The following CCDC175 variants were observed in gnomAD, a reference collection of about 807,000 sequenced individuals.
The protein encoded by CCDC175 is coiled-coil domain containing 175, also known as coiled-coil domain-containing protein 175.
Under a neutral mutation model 114.6 loss-of-function variants are expected in CCDC175, and 100 were observed. That is an observed-to-expected ratio of 0.87 (90% CI 0.74 to 1.03). CCDC175 has a LOEUF of 1.03. Ranked by LOEUF, CCDC175 falls within the 50% of genes least tolerant of loss-of-function variation. The pLI, the probability that CCDC175 is intolerant of heterozygous loss-of-function variation, is 0.00. For synonymous variants in CCDC175, 306 were observed against 308.7 expected (o/e 0.99, Z 0.09); for missense variants, 880 against 917.8 (o/e 0.96, Z 0.53).
At chr14:59,562,864 C>A (rs1293711661) in intron 6 of CCDC175, among the ~76,000 whole-genome samples, 1 of 152,132 alleles carries the variant, frequency 6.6e-6, no homozygotes, top group Non-Finnish European at 1.5e-5. Context: ...AATTTAAAAA[C>A]AGATAATAAT....
At chr14:59,527,545 A>C (rs1316802493) in intron 14 of CCDC175, among the ~76,000 whole-genome samples, 1 of 152,156 alleles carries the variant, frequency 6.6e-6, no homozygotes, top group Non-Finnish European at 1.5e-5. Context: ...TGTTTAAATA[A>C]ATTGTAACCA....
chr14:59,559,549 C>T (rs771028725), intron 7 of CCDC175, among the ~76,000 whole-genome samples: 8 of 152,050 alleles, frequency 5.3e-5, no homozygotes, highest in South Asian at 2.1e-4. Flanking sequence ...GAAAGTGTGT[C>T]GTGCAAATTA....
At chr14:59,554,327 A>G (rs983128141) in intron 7 of CCDC175, among the ~76,000 whole-genome samples, 3 of 152,240 alleles carry the variant, frequency 2.0e-5, no homozygotes, top group African/African-American at 7.2e-5. Context: ...AAAACCGCTC[A>G]ACTACATGGA....
chr14:59,573,106 A>G (rs1313401364), intron 2 of CCDC175, among the ~76,000 whole-genome samples: 2 of 152,156 alleles, frequency 1.3e-5, no homozygotes, highest in African/African-American at 4.8e-5. Context: ...GGAAAGACTA[A>G]CAAAAATAGT....
Position 59,538,119 on chromosome 14 carries a change from C to T in CCDC175, c.1527G>A (p.Val509=). ...CTGTTGTAAGTTTTTCAATCTGTGC[C>T]ACAAATCCACTGATCTCCTGTTGTC... ...SFRQQEISGF[V]AQIEKLTTEL... Residue 509 remains valine (V), a synonymous_variant, in exon 13 of 20, where the codon GTG becomes GTA. Transcript: ENST00000537690. The T allele has an allele frequency of 6.5e-7, 1 of 1,534,782 alleles. No individual in the cohort carries two copies. Among genetic ancestry groups the T allele is most frequent in the South Asian group, 1.2e-5 (1 of 83,924 alleles).
intron 18 of CCDC175, 58 bp from the exon 19 acceptor site, chr14:59,510,866 C>A (rs950488547): frequency 2.6e-5 from 38 of 1,444,634 alleles, no homozygotes; most frequent in Non-Finnish European, 3.4e-5. Context: ...TAAATAAATA[C>A]ACATTCTAAG....
At chr14:59,564,906 G>A (rs1896433708) in intron 5 of CCDC175, 141 bp downstream of exon 5, 8 of 639,234 alleles carry the variant, frequency 1.3e-5, no homozygotes, top group East Asian at 2.7e-5. Context: ...TGAGTCTCCC[G>A]CTCATCCCGT....
At chr14:59,548,983 TGTGAGAGAA>T (rs2140063079) in intron 8 of CCDC175, among the ~76,000 whole-genome samples, 1 of 152,326 alleles carries the variant, frequency 6.6e-6, no homozygotes, top group African/African-American at 2.4e-5. Flanking sequence ...GATGAGGAAC[TGTGAGAGAA>T]AGAAAAGGTG....
rs372061367 is a variant in CCDC175, at chr14:59,563,677, CCT to C, written c.843+58_843+59del. The stretch of plus-strand genomic sequence containing the variant: ...ACATGAAGATGAATTACAATCAACT[CCT>C]TTTTTATTGAGGTGCCTAGATAAGG... On this transcript the variant is annotated intron_variant, in intron 6 of 19. Coordinates refer to ENST00000537690, the MANE Select transcript of CCDC175 (RefSeq NM_001164399.2). 4.2e-4 allele frequency: 449 copies of C among 1,069,344 alleles called. 4 individuals carry two copies. In the East Asian group the frequency reaches 8.4e-3, roughly 20 times the overall value. 66.2% of individuals were successfully genotyped at this position (1,069,344 alleles called of 1,614,324 possible). A position where few individuals can be genotyped will look rare whatever the true frequency, so the allele number is the denominator to read the frequency against.
intron 19 of CCDC175, 168 bp downstream of exon 19, chr14:59,510,478 A>C: frequency 1.4e-6 from 1 of 698,544 alleles, no homozygotes; most frequent in Non-Finnish European, 2.6e-6. Context: ...ATAACACTAC[A>C]AGAGTATTCA....
chr14:59,530,459 G>T (rs1278212907), intron 14 of CCDC175, among the ~76,000 whole-genome samples: 2 of 141,118 alleles, frequency 1.4e-5, no homozygotes, highest in East Asian at 2.3e-4. Flanking sequence ...GAGGGGAGAG[G>T]AGGGGAGGGG....
intron 14 of CCDC175, among the ~76,000 whole-genome samples, chr14:59,527,994 T>C (rs1893849052): frequency 6.6e-6 from 1 of 152,168 alleles, no homozygotes; most frequent in Non-Finnish European, 1.5e-5. Context: ...ATACTCTTTT[T>C]CTTGATTCAT....
chr14:59,554,652 C>G (rs1042003464), intron 7 of CCDC175, among the ~76,000 whole-genome samples: 15 of 152,152 alleles, frequency 9.9e-5, no homozygotes, highest in African/African-American at 3.6e-4. Flanking sequence ...ATAAAAAACC[C>G]TTCAAAAAAT....
chr14:59,514,363 A>G, intron 17 of CCDC175, among the ~76,000 whole-genome samples: 1 of 152,092 alleles, frequency 6.6e-6, no homozygotes, highest in South Asian at 2.1e-4. Flanking sequence ...CGATCAAACT[A>G]CTCAGAGCTA....
At chr14:59,540,537 G>T in intron 11 of CCDC175, 138 bp downstream of exon 11, 2 of 976,388 alleles carry the variant, frequency 2.0e-6, no homozygotes, top group Non-Finnish European at 2.9e-6. Flanking sequence ...AGATCCGAGA[G>T]AATTTACACA....
At chr14:59,537,975 C>T (rs748235858) in intron 13 of CCDC175, 48 bp downstream of exon 13, 9 of 1,335,290 alleles carry the variant, frequency 6.7e-6, no homozygotes, top group South Asian at 5.4e-5. Context: ...TCCCCCTCCC[C>T]CTCATGTAGT....
At chr14:59,532,107 C>T (rs1317868907) in intron 13 of CCDC175, among the ~76,000 whole-genome samples, 197 bp from the exon 14 acceptor site, 2 of 152,152 alleles carry the variant, frequency 1.3e-5, no homozygotes, top group Non-Finnish European at 1.5e-5. Context: ...CTCTGACAAT[C>T]CACAAAGTAA....
intron 17 of CCDC175, among the ~76,000 whole-genome samples, chr14:59,519,636 CAT>C (rs1287424315): frequency 7.2e-5 from 11 of 152,296 alleles, no homozygotes; most frequent in African/African-American, 2.2e-4. Flanking sequence ...TTTGGACAGA[CAT>C]GTGACAGATT....
At chr14:59,538,219 G>A (rs1334235646) in intron 12 of CCDC175, 65 bp from the exon 13 acceptor site, 1 of 1,336,224 alleles carries the variant, frequency 7.5e-7, no homozygotes, top group Non-Finnish European at 9.9e-7. Context: ...TTTTCGAATA[G>A]CCAGGAAATT....
Sources: allele counts gnomAD v4.1 joint callset (sites outside exome capture counted in the v4.1 genomes callset), GRCh38; gene constraint gnomAD v4.1.1; transcripts MANE v1.5; gene names NCBI Gene and HGNC (gene_info 2026-07-23, HGNC 2026-07-21).